C4orf54: variants seen among roughly 807,000 people sequenced by gnomAD.
The protein encoded by C4orf54 is chromosome 4 open reading frame 54.
A neutral mutation model predicts 80.1 loss-of-function variants in C4orf54; 67 were observed. That is an observed-to-expected ratio of 0.84 (90% CI 0.69 to 1.03). The LOEUF (loss-of-function observed/expected upper bound fraction) is 1.03. Among genes scored for constraint, C4orf54 ranks in the 50% least tolerant of loss-of-function variants. The pLI is 0.00. For synonymous variants in C4orf54, 1,000 were observed against 917.0 expected (o/e 1.09, Z -1.64); for missense variants, 2,434 against 2,253.5 (o/e 1.08, Z -1.62).
In C4orf54 at chr4:99,651,104, ACT is replaced by A. The variant is rs774408436; in HGVS notation, c.3543_3544del (p.Arg1181SerfsTer29). On this transcript the variant is annotated frameshift_variant, in exon 2 of 3. Coordinates refer to ENST00000511828, the MANE Select transcript of C4orf54 (RefSeq NM_001354435.2). LOFTEE classifies it high-confidence loss of function. ...CCCTTCTGGGGAGGAAGAATTCAAG[ACT>A]CTGCTGCCGCCCCCTTTGCCCATGC... The A allele has an allele frequency of 7.2e-6, 11 of 1,534,858 alleles. No individual in the cohort carries two copies. The South Asian group carries it at 1.2e-4, about 17-fold the overall frequency.
intron 2 of C4orf54, among the ~76,000 whole-genome samples, chr4:99,643,739 AACACACAC>A (rs754039570): frequency 0.061 from 6,007 of 98,892 alleles, 289 homozygotes; most frequent in African/African-American, 0.12. Context: ...CCCAAGCCAC[AACACACAC>A]ACACACACAC....
intron 1 of C4orf54, among the ~76,000 whole-genome samples, chr4:99,655,222 G>A (rs17029282): frequency 0.018 from 2,759 of 152,262 alleles, 27 homozygotes; most frequent in African/African-American, 0.032. Flanking sequence ...AATCCTTACT[G>A]TGGTGACTCA....
chr4:99,642,347 C>A (rs1325967436), intron 2 of C4orf54, among the ~76,000 whole-genome samples: 5 of 152,074 alleles, frequency 3.3e-5, no homozygotes, highest in African/African-American at 1.2e-4. Context: ...TATCACTAGG[C>A]AAGATTTGCA....
chr4:99,652,321 G>T lies in C4orf54; in HGVS notation c.2328C>A (p.Gly776=). Residue 776 remains glycine (G), a synonymous_variant, in exon 2 of 3, where the codon GGC becomes GGA. Transcript: ENST00000511828. ...CCGTGTATGCCGACCCGGGACCCTTGCCGGGGCCTTTGGTGGCCCTGCCGG... is the reference window on the plus strand; with the variant it reads ...CCGTGTATGCCGACCCGGGACCCTTTCCGGGGCCTTTGGTGGCCCTGCCGG... ...PGPGRATKGP[G]KGPGSAYTDD... is the part of the protein sequence containing the mutation. 1 of 1,535,864 alleles carries T rather than the reference G, an allele frequency of 6.5e-7. No homozygotes were observed. The highest frequency in any genetic ancestry group is 1.2e-5 in the South Asian group (1 of 84,034).
chr4:99,647,068 A>G (rs1286403291), intron 2 of C4orf54, among the ~76,000 whole-genome samples: 2 of 152,240 alleles, frequency 1.3e-5, no homozygotes, highest in Admixed American at 6.5e-5. Context: ...TTTATTTACT[A>G]AAATGAAGGT....
intron 2 of C4orf54, among the ~76,000 whole-genome samples, chr4:99,645,424 A>AT (rs957034006): frequency 6.6e-6 from 1 of 151,264 alleles, no homozygotes; most frequent in African/African-American, 2.4e-5. Context: ...AAAAAAAAAA[A>AT]AAAAAAAAGA....
Position 99,654,399 on chromosome 4 carries a change from G to T in C4orf54, c.250C>A (p.Leu84Met). The change falls in exon 2 of 3, where the codon CTG becomes ATG. Residue 84 changes from leucine to methionine, a missense_variant. Coordinates refer to ENST00000511828, the MANE Select transcript of C4orf54 (RefSeq NM_001354435.2). ...LRLAAAPPQGLKNWEVVAAVA... is the reference protein window; with the variant it reads ...LRLAAAPPQGMKNWEVVAAVA... Reference sequence around the variant, plus strand: ...GCTGCCACCACCTCCCAGTTCTTCAGCCCCTGTGGCGGGGCCGCAGCAAGC... The same window carrying T: ...GCTGCCACCACCTCCCAGTTCTTCATCCCCTGTGGCGGGGCCGCAGCAAGC... The T allele has an allele frequency of 1.1e-6, 1 of 890,910 alleles. No homozygotes were observed. Among genetic ancestry groups the T allele is most frequent in the Non-Finnish European group, 1.8e-6 (1 of 557,494 alleles). The allele number at this position is 890,910 out of a possible 1,614,324, so 55.2% of individuals were successfully genotyped here.
chr4:99,652,003 G>A lies in C4orf54; in HGVS notation c.2646C>T (p.Ser882=), dbSNP rs1045437568. The A allele has an allele frequency of 2.0e-6, 3 of 1,535,986 alleles. No individual in the cohort carries two copies. Among genetic ancestry groups the A allele is most frequent in the African/African-American group, 1.4e-5 (1 of 73,036 alleles). Residue 882 remains serine (S), a synonymous_variant, in exon 2 of 3, where the codon TCC becomes TCT. Coordinates refer to ENST00000511828, the MANE Select transcript of C4orf54 (RefSeq NM_001354435.2). ...AGSEYTVVSM[S]DAGGEGSVAG... ...CCACGGACCCCTCCCCGCCCGCGTC[G>A]GACATGCTGACCACTGTGTACTCGG...
chr4:99,652,983 C>T lies in C4orf54; in HGVS notation c.1666G>A (p.Val556Ile), dbSNP rs1428979859. 3 of 1,536,072 alleles carry T rather than the reference C, an allele frequency of 2.0e-6. No homozygotes were observed. The highest frequency in any genetic ancestry group is 1.4e-5 in the African/African-American group (1 of 73,052). ...GAATTGTGTTCAGCAGCTGTAGAGA[C>T]GCGGAGGCTCATGTCGCCTTCATGC... ...AKHEGDMSLR[V>I]STAAEHNSSS... The change falls in exon 2 of 3, where the codon GTC (valine) becomes ATC (isoleucine). Residue 556 changes from valine to isoleucine, a missense_variant. Val to Ile is a conservative substitution (Grantham distance 29, BLOSUM62 3). Coordinates refer to ENST00000511828, the MANE Select transcript of C4orf54 (RefSeq NM_001354435.2).
Position 99,652,853 on chromosome 4 carries a change from G to A in C4orf54, c.1796C>T (p.Ala599Val), listed in dbSNP as rs1001949606. 3.3e-6 allele frequency: 5 copies of A among 1,536,062 alleles called. No homozygotes were observed. Among genetic ancestry groups the A allele is most frequent in the Non-Finnish European group, 4.4e-6 (5 of 1,146,886 alleles). ...GCTGGAGTAGTCCACCAGCTCCTTCGCCCGGATGGCCCCGCACCTGGTTTG... is the reference window on the plus strand; with the variant it reads ...GCTGGAGTAGTCCACCAGCTCCTTCACCCGGATGGCCCCGCACCTGGTTTG... ...RLQTRCGAIRAKELVDYSSGA... is the reference protein window; with the variant it reads ...RLQTRCGAIRVKELVDYSSGA... Residue 599 changes from alanine to valine, a missense_variant, in exon 2 of 3, where the codon GCG becomes GTG. Coordinates refer to ENST00000511828, the MANE Select transcript of C4orf54 (RefSeq NM_001354435.2).
rs1319402128 is a variant in C4orf54, at chr4:99,640,080, T to C, written c.*1153A>G. The stretch of plus-strand genomic sequence containing the variant: ...ACAAGCTAAATATTTATCTGTTCAA[T>C]CAAGTCTTCCAGTCTTCAAGACTCC... On this transcript the variant is annotated 3_prime_UTR_variant, in exon 3 of 3. Transcript: ENST00000511828. 2 of 152,176 alleles carry C rather than the reference T, an allele frequency of 1.3e-5. No homozygotes were observed. The highest frequency in any genetic ancestry group is 2.4e-5 in the African/African-American group (1 of 41,454). 9.4% of individuals were successfully genotyped at this position (152,176 alleles called of 1,614,324 possible).
In C4orf54 at chr4:99,652,595, G is replaced by A. The variant is rs573859201; in HGVS notation, c.2054C>T (p.Ala685Val). 4 of 1,536,016 alleles carry A rather than the reference G, an allele frequency of 2.6e-6. No individual in the cohort carries two copies. Among genetic ancestry groups the A allele is most frequent in the Non-Finnish European group, 3.5e-6 (4 of 1,146,890 alleles). Residue 685 changes from alanine (A) to valine (V), a missense_variant, in exon 2 of 3, where the codon GCG becomes GTG. Physicochemically the swap from Ala to Val is moderately conservative, Grantham distance 64 (BLOSUM62 0). Coordinates refer to ENST00000511828, the MANE Select transcript of C4orf54 (RefSeq NM_001354435.2). ...RVEQSLLRSS[A>V]ASVAAGLRKG... ...CCTCAGACCTGCAGCCACAGAGGCC[G>A]CGCTGCTCCTGAGGAGGCTCTGCTC...
At position 99,657,565 on chromosome 4, in the gene C4orf54, A is replaced by G. The variant is rs1727000718; in HGVS notation, c.-102T>C. Among the ~76,000 whole-genome samples the G allele has an allele frequency of 6.6e-6, 1 of 152,224 alleles. No homozygotes were observed. ...AATGCCAGTGTAGGAAAAAATTTGA[A>G]GAGAAATCTTTTTCAAATGAAGTCA... On this transcript the variant is annotated 5_prime_UTR_variant, in exon 1 of 3. Transcript: ENST00000511828.
At chr4:99,648,704 C>T (rs894478662) in intron 2 of C4orf54, among the ~76,000 whole-genome samples, 7 of 152,106 alleles carry the variant, frequency 4.6e-5, no homozygotes, top group African/African-American at 1.7e-4. Context: ...AAGGAAGATA[C>T]AGAGGAGAAA....
chr4:99,657,271 G>T (rs1297626245), intron 1 of C4orf54, among the ~76,000 whole-genome samples: 1 of 152,192 alleles, frequency 6.6e-6, no homozygotes, highest in Non-Finnish European at 1.5e-5. Context: ...TTTTCATATG[G>T]CCTTGTCTGT....
At position 99,651,675 on chromosome 4, in the gene C4orf54, C is replaced by G. The variant is rs1726831126; in HGVS notation, c.2974G>C (p.Val992Leu). ...SKNTIMSRLF[V>L]PNIQQTPKDK... ...TTGGGTGTCTGCTGGATGTTGGGGA[C>G]AAAGAGGCGAGACATGATGGTGTTC... The change falls in exon 2 of 3, where the codon GTC becomes CTC. Residue 992 changes from valine (V) to leucine (L), a missense_variant. Coordinates refer to ENST00000511828, the MANE Select transcript of C4orf54 (RefSeq NM_001354435.2). 5 of 1,536,054 alleles carry G rather than the reference C, an allele frequency of 3.3e-6. No individual in the cohort carries two copies. The highest frequency in any genetic ancestry group is 1.7e-4 in the Middle Eastern group (1 of 5,990).
At chr4:99,647,485 C>G (rs1211220226) in intron 2 of C4orf54, among the ~76,000 whole-genome samples, 1 of 152,114 alleles carries the variant, frequency 6.6e-6, no homozygotes, top group East Asian at 1.9e-4. Context: ...TAATTTTCTA[C>G]ACTAAACAAA....
intron 2 of C4orf54, among the ~76,000 whole-genome samples, chr4:99,646,531 C>T (rs1450576851): frequency 6.6e-6 from 1 of 152,154 alleles, no homozygotes; most frequent in Non-Finnish European, 1.5e-5. Context: ...CTCCATGCCT[C>T]ACACCAAGGA....
In C4orf54 at chr4:99,652,469, T is replaced by C. The variant is rs1310252396; in HGVS notation, c.2180A>G (p.Glu727Gly). Reference protein sequence around the residue: ...LEFVVSKVEGEIKHVETPLCF... With the variant: ...LEFVVSKVEGGIKHVETPLCF... ...CAGGGGCGTCTCCACATGTTTGATT[T>C]CCCCCTCGACTTTGCTGACCACGAA... The change falls in exon 2 of 3, where the codon GAA becomes GGA. Residue 727 changes from glutamate to glycine, a missense_variant. Glu to Gly is a moderately conservative substitution (Grantham distance 98, BLOSUM62 -2). Coordinates refer to ENST00000511828, the MANE Select transcript of C4orf54 (RefSeq NM_001354435.2). The C allele has an allele frequency of 6.5e-7, 1 of 1,535,790 alleles. No homozygotes were observed. The highest frequency in any genetic ancestry group is 2.0e-5 in the Admixed American group (1 of 50,980).
Sources: allele counts gnomAD v4.1 joint callset (sites outside exome capture counted in the v4.1 genomes callset), GRCh38; gene constraint gnomAD v4.1.1; transcripts MANE v1.5; gene names NCBI Gene and HGNC (gene_info 2026-07-23, HGNC 2026-07-21).